The following ST14 variants were observed in gnomAD, a reference collection of about 807,000 sequenced individuals.
ST14 encodes suppressor of tumorigenicity 14 protein.
In ST14, 40 loss-of-function variants were observed where a neutral mutation model predicts 96.5. The ratio of observed to expected loss-of-function variants is 0.41; its 90% confidence interval spans 0.32 to 0.54. ST14 has a LOEUF of 0.54. Ranked by LOEUF, ST14 falls within the 20% of genes least tolerant of loss-of-function variation. ST14 has a pLI of 0.17. For synonymous variants in ST14, 506 were observed against 492.1 expected, an observed-to-expected ratio of 1.03 and a Z score of -0.37; for missense variants, 1,066 against 1,188.9, an observed-to-expected ratio of 0.90 and a Z score of 1.52.
intron 16 of ST14, among the ~76,000 whole-genome samples, chr11:130,204,964 T>TAA (rs1953471384): frequency 6.6e-6 from 1 of 152,188 alleles, no homozygotes; most frequent in Non-Finnish European, 1.5e-5. Context: ...AGTAACCTTT[T>TAA]GACCTTCCTG....
At chr11:130,179,460 A>G (rs1201365537) in intron 1 of ST14, among the ~76,000 whole-genome samples, 7 of 152,130 alleles carry the variant, frequency 4.6e-5, no homozygotes, top group Non-Finnish European at 7.3e-5. Flanking sequence ...TCATTTGCCC[A>G]TCGGTCATCC....
intron 11 of ST14, 78 bp downstream of exon 11, chr11:130,196,778 C>T (rs779522069): frequency 1.3e-5 from 21 of 1,601,190 alleles, no homozygotes; most frequent in South Asian, 3.3e-5. Context: ...TCGTTAGCAT[C>T]GTGCTTTGCT....
At chr11:130,206,728 T>G (rs1346378226) in intron 16 of ST14, among the ~76,000 whole-genome samples, 1 of 151,970 alleles carries the variant, frequency 6.6e-6, no homozygotes, top group Non-Finnish European at 1.5e-5. Context: ...CCACCACACC[T>G]GGCTAATTTT....
chr11:130,188,748 G>A lies in ST14; in HGVS notation c.369+91G>A. On this transcript the variant is annotated intron_variant, in intron 3 of 18. Transcript: ENST00000278742. This position sits in a 1 kb window ranked among gnomAD's most constrained non-coding sequence, Gnocchi z 5.4. ...GGGACATGCCTCGCCTGTGCTCCCA[G>A]GGCCCTGGGATGGGGGTGATCTGCA... The A allele has an allele frequency of 6.2e-7, 1 of 1,611,024 alleles. No homozygotes were observed. The highest frequency in any genetic ancestry group is 8.5e-7 in the Non-Finnish European group (1 of 1,178,078).
rs367833176 is a variant in ST14, at chr11:130,198,405, C to T, written c.1557C>T (p.Asp519=). The change falls in exon 13 of 19, where the codon GAC becomes GAT. Residue 519 remains aspartate, a synonymous_variant. Coordinates refer to ENST00000278742, the MANE Select transcript of ST14 (RefSeq NM_021978.4). ...TGAACGACTGCGGAGACAACAGCGA[C>T]GAGCAGGGGTGCAGTGAGTGCTGGG... ...DSVNDCGDNS[D]EQGCSCPAQT... is the part of the protein sequence containing the mutation. 3.0e-5 allele frequency: 49 copies of T among 1,614,010 alleles called. No homozygotes were observed. Among genetic ancestry groups the T allele is most frequent in the Admixed American group, 1.5e-4 (9 of 60,016 alleles).
At position 130,210,224 on chromosome 11, in the gene ST14, GC is replaced by G. The variant is rs1198208802; in HGVS notation, c.*403del. ...CGGATCTGGGCTGTGGGGCCCTTGG[GC>G]CACGCTCTTGAGGAAGCCCAGGCTC... On this transcript the variant is annotated 3_prime_UTR_variant, in exon 19 of 19. Coordinates refer to ENST00000278742, the MANE Select transcript of ST14 (RefSeq NM_021978.4). 1 of 198,384 alleles carries G rather than the reference GC, an allele frequency of 5.0e-6. No homozygotes were observed. The highest frequency in any genetic ancestry group is 1.0e-5 in the Non-Finnish European group (1 of 97,072). 12.3% of individuals were successfully genotyped at this position (198,384 alleles called of 1,614,324 possible).
At chr11:130,186,873 A>G (rs1439439237) in intron 1 of ST14, among the ~76,000 whole-genome samples, 1 of 152,194 alleles carries the variant, frequency 6.6e-6, no homozygotes, top group Non-Finnish European at 1.5e-5. Flanking sequence ...AGCATTTTGA[A>G]CACATTTTAA....
intron 9 of ST14, among the ~76,000 whole-genome samples, chr11:130,196,118 C>A (rs1953359592): frequency 6.6e-6 from 1 of 152,166 alleles, no homozygotes; most frequent in Admixed American, 6.6e-5. Context: ...TGAGATCTTG[C>A]CACTGCACTC....
Position 130,188,673 on chromosome 11 carries a change from CCA to C in ST14, c.369+17_369+18del. 6.2e-7 allele frequency: 1 copy of C among 1,614,134 alleles called. No homozygotes were observed. The highest frequency in any genetic ancestry group is 8.5e-7 in the Non-Finnish European group (1 of 1,180,024). Reference sequence around the variant, plus strand: ...GAAGGACGCGGTGAGTGCAGCCTGCCCAGAGTCCTGCTGGGCTGTGTGCGCTG... The same window carrying C: ...GAAGGACGCGGTGAGTGCAGCCTGCCGAGTCCTGCTGGGCTGTGTGCGCTG... On this transcript the variant is annotated intron_variant, in intron 3 of 18. Coordinates refer to ENST00000278742, the MANE Select transcript of ST14 (RefSeq NM_021978.4). This position sits in a 1 kb window ranked among gnomAD's most constrained non-coding sequence, Gnocchi z 5.4.
Position 130,197,942 on chromosome 11 carries a change from T to C in ST14, c.1456T>C (p.Cys486Arg). 1.3e-6 allele frequency: 2 copies of C among 1,581,922 alleles called. No individual in the cohort carries two copies. Among genetic ancestry groups the C allele is most frequent in the Admixed American group, 1.8e-5 (1 of 56,798 alleles). ...DCTDHSDELN[C>R]SCDAGHQFTC... is the part of the protein sequence containing the mutation. ...CACCGACCACAGCGATGAGCTCAAC[T>C]GCAGTGAGTCAGGCTGGGAGCCCCG... The change falls in exon 12 of 19, where the codon TGC becomes CGC. Residue 486 changes from cysteine to arginine, a missense_variant. Coordinates refer to ENST00000278742, the MANE Select transcript of ST14 (RefSeq NM_021978.4).
chr11:130,170,669 C>T (rs1591877868), intron 1 of ST14, among the ~76,000 whole-genome samples: 1 of 151,580 alleles, frequency 6.6e-6, no homozygotes, highest in Admixed American at 6.6e-5. Flanking sequence ...AGGTTAGGAA[C>T]CTCTTGGTTC....
chr11:130,166,076 C>T (rs1377006497), intron 1 of ST14, among the ~76,000 whole-genome samples: 1 of 152,216 alleles, frequency 6.6e-6, no homozygotes, highest in African/African-American at 2.4e-5. Flanking sequence ...TCTGGTTTCC[C>T]CTTTTGATGA....
At chr11:130,205,489 TTC>T (rs1056312918) in intron 16 of ST14, among the ~76,000 whole-genome samples, 2 of 152,186 alleles carry the variant, frequency 1.3e-5, no homozygotes, top group South Asian at 2.1e-4. Context: ...CACGTTTGCT[TTC>T]TCTCTGTTTG....
chr11:130,188,409 T>C lies in ST14; in HGVS notation c.242-121T>C. On this transcript the variant is annotated intron_variant, in intron 2 of 18. Transcript: ENST00000278742. This position sits in a 1 kb window ranked among gnomAD's most constrained non-coding sequence, Gnocchi z 5.4. ...TCTCTGGAACCCTGATGGGGAGTGA[T>C]GGGAAGCAGTCAGGGCTGACCCATG... 1.3e-6 allele frequency: 2 copies of C among 1,590,814 alleles called. No individual in the cohort carries two copies.
chr11:130,194,374 C>A, intron 8 of ST14, 86 bp downstream of exon 8: 1 of 1,565,062 alleles, frequency 6.4e-7, no homozygotes, highest in Non-Finnish European at 8.7e-7. Flanking sequence ...GCTTAGGAGG[C>A]CACAGGCTAG....
intron 16 of ST14, among the ~76,000 whole-genome samples, chr11:130,201,646 C>T (rs181677278): frequency 6.6e-6 from 1 of 152,382 alleles, no homozygotes; most frequent in Non-Finnish European, 1.5e-5. Flanking sequence ...TGGTGCAAAT[C>T]ATAGCTTGCT....
chr11:130,175,484 A>G (rs1329260718), intron 1 of ST14, among the ~76,000 whole-genome samples: 1 of 151,382 alleles, frequency 6.6e-6, no homozygotes, highest in Non-Finnish European at 1.5e-5. Flanking sequence ...GGTTCAAGTG[A>G]TTCTCCCACC....
intron 16 of ST14, among the ~76,000 whole-genome samples, chr11:130,205,940 T>C (rs925106302): frequency 6.6e-6 from 1 of 151,736 alleles, no homozygotes; most frequent in Non-Finnish European, 1.5e-5. Context: ...CTTGTGATCC[T>C]CTCGCCTGGG....
rs1023967915 is a variant in ST14 at position 130,190,328 on chromosome 11, C to G, written c.635-126C>G. 11 of 1,535,462 alleles carry G rather than the reference C, an allele frequency of 7.2e-6. No individual in the cohort carries two copies. In the Admixed American group the frequency reaches 1.4e-4, roughly 19 times the overall value. On this transcript the variant is annotated intron_variant, in intron 6 of 18. Coordinates refer to ENST00000278742, the MANE Select transcript of ST14 (RefSeq NM_021978.4). ...AGCCCCCTTCCTGATTTCCCGAGGC[C>G]CAGGGCAGCCTGGGGCGTCTCGAAG...
Sources: allele counts gnomAD v4.1 joint callset (sites outside exome capture counted in the v4.1 genomes callset), GRCh38; gene constraint gnomAD v4.1.1; non-coding constraint Gnocchi (gnomAD v3.1); transcripts MANE v1.5; gene names NCBI Gene and HGNC (gene_info 2026-07-23, HGNC 2026-07-21).